The following SLC25A30 variants were observed in gnomAD, a reference collection of about 807,000 sequenced individuals.
SLC25A30 encodes kidney mitochondrial carrier protein 1.
In SLC25A30, 29 loss-of-function variants were observed where a neutral mutation model predicts 42.7. The observed-to-expected ratio is 0.68, with a 90% CI of 0.51 to 0.93. The LOEUF (loss-of-function observed/expected upper bound fraction) is 0.93, where lower values mean the gene tolerates loss of function less well. SLC25A30 is among the 40% of genes least tolerant of loss of function. The pLI is 0.00. For missense variants in SLC25A30, 300 were observed against 359.7 expected, an observed-to-expected ratio of 0.83 and a Z score of 1.34; for synonymous variants, 124 against 131.0, an observed-to-expected ratio of 0.95 and a Z score of 0.37.
upstream of SLC25A30, among the ~76,000 whole-genome samples, chr13:45,423,280 C>G (rs79298473): frequency 2.0e-3 from 306 of 151,876 alleles, 4 homozygotes; most frequent in African/African-American, 7.1e-3. Context: ...ACTTCTGCTT[C>G]CTTAGATGTG....
chr13:45,411,416 G>A lies in SLC25A30; in HGVS notation c.10C>T (p.Leu4Phe). The A allele has an allele frequency of 6.2e-7, 1 of 1,614,106 alleles. No individual in the cohort carries two copies. Among genetic ancestry groups the A allele is most frequent in the Non-Finnish European group, 8.5e-7 (1 of 1,179,982 alleles). The stretch of plus-strand genomic sequence containing the variant: ...CCGTACACAAACGGCTTCCAGTTGA[G>A]GGCTGACATTCTCACACTGTCTCTT... MSALNWKPFVYGGL... is the reference protein window; with the variant it reads MSAFNWKPFVYGGL... Residue 4 changes from leucine to phenylalanine, a missense_variant, in exon 2 of 10, where the codon CTC (leucine) becomes TTC (phenylalanine). Coordinates refer to ENST00000519676, the MANE Select transcript of SLC25A30 (RefSeq NM_001010875.4).
At position 45,413,787 on chromosome 13, in the gene SLC25A30, AGG is replaced by A. The variant is rs1883236842; in HGVS notation, c.-55-2309_-55-2308del. On this transcript the variant is annotated intron_variant, in intron 1 of 9. Coordinates refer to ENST00000519676, the MANE Select transcript of SLC25A30 (RefSeq NM_001010875.4). ...AGGCTGGTCTTGAACTCCTGACCTC[AGG>A]TAATCCACCTGCCTTGGCCTCCCAA... Among the ~76,000 whole-genome samples, 22 of 152,312 alleles carry A rather than the reference AGG, an allele frequency of 1.4e-4. No individual in the cohort carries two copies. The South Asian group carries it at 4.4e-3, about 30-fold the overall frequency.
At chr13:45,410,285 C>A (rs75807131) in intron 2 of SLC25A30, among the ~76,000 whole-genome samples, 4,238 of 152,324 alleles carry the variant, frequency 0.028, 203 homozygotes, top group African/African-American at 0.095. Flanking sequence ...CACCCTTGAG[C>A]TTCTCAAACC....
Position 45,408,965 on chromosome 13 carries a change from CCTCA to C in SLC25A30, c.170_173del (p.Val57GlyfsTer2). On this transcript the variant is annotated frameshift_variant, in exon 3 of 10. Transcript: ENST00000519676. LOFTEE classifies it high-confidence loss of function. Reference sequence around the variant, plus strand: ...CTTTCAGCCCTTCTTCTCTGCCTATCCTCACTAATGCGTGCAACATTCCTCGGTA... The same window carrying C: ...CTTTCAGCCCTTCTTCTCTGCCTATCCTAATGCGTGCAACATTCCTCGGTA... The C allele has an allele frequency of 1.2e-6, 2 of 1,612,910 alleles. No homozygotes were observed. The highest frequency in any genetic ancestry group is 1.7e-6 in the Non-Finnish European group (2 of 1,179,564).
intron 5 of SLC25A30, 63 bp from the exon 6 acceptor site, chr13:45,402,433 G>A (rs1364305556): frequency 1.6e-6 from 2 of 1,288,990 alleles, no homozygotes; most frequent in East Asian, 2.3e-5. Flanking sequence ...CACAACCAAT[G>A]TATACCTCTG....
rs1881230609 is a variant in SLC25A30 at position 45,395,386 on chromosome 13, CTTA to C, written c.*585_*587del. ...GTCAAGTCTTCAAAGCTTAAAATCA[CTTA>C]TTATAAGTGGAAGATCCTGCCAAAA... On this transcript the variant is annotated 3_prime_UTR_variant, in exon 10 of 10. Transcript: ENST00000519676. 1 of 986,476 alleles carries C rather than the reference CTTA, an allele frequency of 1.0e-6. No homozygotes were observed. The highest frequency in any genetic ancestry group is 1.7e-5 in the African/African-American group (1 of 57,354). The allele number at this position is 986,476 out of a possible 1,614,324, so 61.1% of individuals were successfully genotyped here.
At position 45,394,399 on chromosome 13, in the gene SLC25A30, C is replaced by G; in HGVS notation, c.*1575G>C. The G allele has an allele frequency of 2.0e-6, 2 of 985,368 alleles. No homozygotes were observed. Among genetic ancestry groups the G allele is most frequent in the South Asian group, 4.7e-5 (1 of 21,282 alleles). 61.0% of individuals were successfully genotyped at this position (985,368 alleles called of 1,614,324 possible). On this transcript the variant is annotated 3_prime_UTR_variant, in exon 10 of 10. Coordinates refer to ENST00000519676, the MANE Select transcript of SLC25A30 (RefSeq NM_001010875.4). ...AAATTATCTCATCCTCCAAAAAAAC[C>G]TGCAGTCCTTCTATTCAGTCTCAAC... is the stretch of plus-strand genomic sequence containing the variant.
chr13:45,397,896 A>T, intron 8 of SLC25A30: 3 of 985,576 alleles, frequency 3.0e-6, no homozygotes, highest in Non-Finnish European at 3.6e-6. Flanking sequence ...GTGAGGAAAA[A>T]ATTAGATTTA....
At chr13:45,413,499 A>G (rs1222783398) in intron 1 of SLC25A30, among the ~76,000 whole-genome samples, 1 of 151,904 alleles carries the variant, frequency 6.6e-6, no homozygotes, top group Non-Finnish European at 1.5e-5. Flanking sequence ...TCCTGAAAGG[A>G]TGGCTTGAGC....
chr13:45,423,687 T>TATATAAAA, the SLC25A30 span, among the ~76,000 whole-genome samples: 17 of 19,656 alleles, frequency 8.6e-4, 1 homozygote, highest in African/African-American at 2.0e-3. Flanking sequence ...TTTATATAAA[T>TATATAAAA]ATATATAAAT....
chr13:45,416,339 C>A (rs1030528174), intron 1 of SLC25A30, among the ~76,000 whole-genome samples: 3 of 151,734 alleles, frequency 2.0e-5, no homozygotes, highest in Non-Finnish European at 2.9e-5. Flanking sequence ...ACCTGGGAAG[C>A]GGAGGTTGCA....
chr13:45,393,789 A>G lies in SLC25A30; in HGVS notation c.*2185T>C. On this transcript the variant is annotated 3_prime_UTR_variant, in exon 10 of 10. Transcript: ENST00000519676. Reference sequence around the variant, plus strand: ...CACTTAATAAGTCTACACTGAAGAAATACTATGCTTTTATCTTAAATCGTG... The same window carrying G: ...CACTTAATAAGTCTACACTGAAGAAGTACTATGCTTTTATCTTAAATCGTG... The G allele has an allele frequency of 2.0e-6, 2 of 985,472 alleles. No homozygotes were observed. The highest frequency in any genetic ancestry group is 2.4e-6 in the Non-Finnish European group (2 of 829,934). The allele number at this position is 985,472 out of a possible 1,614,324, so 61.0% of individuals were successfully genotyped here. A position where few individuals can be genotyped will look rare whatever the true frequency, so the allele number is the denominator to read the frequency against.
chr13:45,425,881 C>G, the SLC25A30 span, among the ~76,000 whole-genome samples: 1 of 146,256 alleles, frequency 6.8e-6, no homozygotes, highest in Non-Finnish European at 1.5e-5. Flanking sequence ...TTAGTGGAGA[C>G]AGGGTTTCAT....
At chr13:45,400,045 C>CAT (rs1476872084) in intron 7 of SLC25A30, among the ~76,000 whole-genome samples, 1,283 of 89,652 alleles carry the variant, frequency 0.014, 23 homozygotes, top group Non-Finnish European at 0.021. Flanking sequence ...CACACACACA[C>CAT]ACACACACAC....
the SLC25A30 span, among the ~76,000 whole-genome samples, chr13:45,425,640 A>ATATGTATATATATATT: frequency 1.5e-5 from 1 of 65,744 alleles, no homozygotes; most frequent in Admixed American, 1.9e-4. Flanking sequence ...GTATATATAA[A>ATATGTATATATATATT]TATATATATA....
At chr13:45,399,956 C>T (rs752089440) in intron 7 of SLC25A30, among the ~76,000 whole-genome samples, 2 of 149,028 alleles carry the variant, frequency 1.3e-5, no homozygotes, top group African/African-American at 4.9e-5. Flanking sequence ...AGTATTCCCC[C>T]CTGGTTGTGA....
chr13:45,404,080 A>C (rs540219242), intron 5 of SLC25A30, among the ~76,000 whole-genome samples: 2 of 152,348 alleles, frequency 1.3e-5, no homozygotes, highest in South Asian at 2.1e-4. Flanking sequence ...AATGCAGTCC[A>C]AGCCTAAATA....
chr13:45,424,570 AAT>A, the SLC25A30 span, among the ~76,000 whole-genome samples: 30 of 27,434 alleles, frequency 1.1e-3, 2 homozygotes, highest in Non-Finnish European at 1.2e-3. Flanking sequence ...TAAATGTATA[AAT>A]ATATAAATAT....
chr13:45,432,017 C>T, the SLC25A30 span, among the ~76,000 whole-genome samples: 3 of 151,978 alleles, frequency 2.0e-5, no homozygotes, highest in Admixed American at 2.0e-4. Context: ...TACCTGTAAT[C>T]CTGGCACTTT....
Sources: allele counts gnomAD v4.1 joint callset (sites outside exome capture counted in the v4.1 genomes callset), GRCh38; gene constraint gnomAD v4.1.1; transcripts MANE v1.5; gene names NCBI Gene and HGNC (gene_info 2026-07-23, HGNC 2026-07-21).